DGKB: variants seen among roughly 807,000 people sequenced by gnomAD.
The protein encoded by DGKB is diacylglycerol kinase beta, also known as 90 kDa diacylglycerol kinase.
A neutral mutation model predicts 114.3 loss-of-function variants in DGKB; 67 were observed. The observed-to-expected ratio is 0.59, with a 90% CI of 0.48 to 0.72. The LOEUF is 0.72. Among genes scored for constraint, DGKB ranks in the 30% least tolerant of loss-of-function variants. DGKB has a pLI of 0.00. For synonymous variants in DGKB, 398 were observed against 323.1 expected, an observed-to-expected ratio of 1.23 and a Z score of -2.49; for missense variants, 907 against 975.2, an observed-to-expected ratio of 0.93 and a Z score of 0.93.
chr7:14,597,779 T>C (rs921236237), intron 17 of DGKB, among the ~76,000 whole-genome samples: 1 of 152,058 alleles, frequency 6.6e-6, no homozygotes, highest in African/African-American at 2.4e-5. Flanking sequence ...GTCCAGAAGG[T>C]TCCTGGGTGA....
intron 5 of DGKB, among the ~76,000 whole-genome samples, chr7:14,722,057 CA>C (rs1478846155): frequency 2.6e-5 from 4 of 152,326 alleles, no homozygotes; most frequent in Non-Finnish European, 4.4e-5. Flanking sequence ...CCACTACCAA[CA>C]TTCTCCACCA....
intron 16 of DGKB, among the ~76,000 whole-genome samples, chr7:14,611,697 C>CTATATA (rs74274170): frequency 5.4e-5 from 8 of 149,252 alleles, no homozygotes; most frequent in Admixed American, 1.3e-4. Context: ...TTTAGTGTAA[C>CTATATA]TATATATATA....
At chr7:14,343,570 A>G (rs1811980983) in intron 22 of DGKB, among the ~76,000 whole-genome samples, 1 of 151,706 alleles carries the variant, frequency 6.6e-6, no homozygotes, top group South Asian at 2.1e-4. Context: ...CTTATTTTAT[A>G]GATCAACAGC....
Position 14,736,109 on chromosome 7 carries a change from A to G in DGKB, c.254T>C (p.Met85Thr), listed in dbSNP as rs1337472711. 1 of 1,610,388 alleles carries G rather than the reference A, an allele frequency of 6.2e-7. No homozygotes were observed. The highest frequency in any genetic ancestry group is 8.5e-7 in the Non-Finnish European group (1 of 1,177,422). Residue 85 changes from methionine (M) to threonine (T), a missense_variant, in exon 5 of 26, where the codon ATG becomes ACG. By Grantham distance (81) the Met-to-Thr change is moderately conservative. Around this residue, in one of 3 missense-constraint regions of DGKB, gnomAD observed 814 missense variants for 856.6 expected, o/e 0.95. Transcript: ENST00000402815. ...ATGAGGAAACTTGTTGCTAAATGACATGAAAAGGTGTGCAGTGAAATCATC... is the reference window on the plus strand; with the variant it reads ...ATGAGGAAACTTGTTGCTAAATGACGTGAAAAGGTGTGCAGTGAAATCATC... Reference protein sequence around the residue: ...LPDDFTAHLFMSFSNKFPHSS... With the variant: ...LPDDFTAHLFTSFSNKFPHSS...
chr7:14,446,938 A>G (rs1830799230), intron 21 of DGKB, among the ~76,000 whole-genome samples: 1 of 152,164 alleles, frequency 6.6e-6, no homozygotes, highest in African/African-American at 2.4e-5. Context: ...AATGTGGTTA[A>G]GAACTTCCTC....
chr7:14,576,858 T>C (rs1373395434), intron 19 of DGKB, among the ~76,000 whole-genome samples: 1 of 152,184 alleles, frequency 6.6e-6, no homozygotes, highest in Non-Finnish European at 1.5e-5. Context: ...GGTTTAAATC[T>C]GTCTTCTAGC....
chr7:14,871,427 T>C (rs1587059357), intron 1 of DGKB, among the ~76,000 whole-genome samples: 3 of 152,144 alleles, frequency 2.0e-5, no homozygotes, highest in African/African-American at 7.2e-5. Flanking sequence ...AAAGAGTAAA[T>C]AGTCTAATCA....
intron 12 of DGKB, among the ~76,000 whole-genome samples, chr7:14,681,124 G>A: frequency 6.6e-6 from 1 of 151,344 alleles, no homozygotes; most frequent in African/African-American, 2.4e-5. Context: ...AAAAAAAACT[G>A]GTTTTTAAAA....
chr7:14,679,429 A>G (rs767881206), intron 12 of DGKB, among the ~76,000 whole-genome samples: 17 of 152,032 alleles, frequency 1.1e-4, no homozygotes, highest in Admixed American at 4.6e-4. Context: ...TGGCACAACT[A>G]GTAAGTGAGG....
chr7:14,197,199 G>A (rs376698431), intron 23 of DGKB, among the ~76,000 whole-genome samples: 1 of 152,110 alleles, frequency 6.6e-6, no homozygotes, highest in African/African-American at 2.4e-5. Context: ...CCTCTTAGAA[G>A]AGATATACCC....
At chr7:14,281,546 A>C (rs1291998788) in intron 23 of DGKB, among the ~76,000 whole-genome samples, 1 of 147,536 alleles carries the variant, frequency 6.8e-6, no homozygotes, top group Non-Finnish European at 1.5e-5. Flanking sequence ...ACCCCAAATC[A>C]ACAGAATATA....
At chr7:14,189,537 A>G (rs1051812796) in intron 23 of DGKB, among the ~76,000 whole-genome samples, 4 of 152,180 alleles carry the variant, frequency 2.6e-5, no homozygotes, top group African/African-American at 7.2e-5. Context: ...AATGAACAAA[A>G]TGGCAGAAGT....
At chr7:14,760,794 A>G (rs1007111232) in intron 2 of DGKB, among the ~76,000 whole-genome samples, 3 of 152,160 alleles carry the variant, frequency 2.0e-5, no homozygotes, top group Admixed American at 6.6e-5. Context: ...TCAGGTTTCT[A>G]TGAGAGTAAA....
intron 23 of DGKB, among the ~76,000 whole-genome samples, chr7:14,285,842 A>G (rs529477289): frequency 1.3e-5 from 2 of 152,092 alleles, no homozygotes; most frequent in Non-Finnish European, 2.9e-5. Flanking sequence ...AAAATCCCTA[A>G]TGGCAGTCAG....
intron 21 of DGKB, among the ~76,000 whole-genome samples, chr7:14,437,557 G>A (rs1297611668): frequency 6.6e-6 from 1 of 151,914 alleles, no homozygotes; most frequent in Non-Finnish European, 1.5e-5. Context: ...GATTGCACAT[G>A]TCGGCTTTAT....
At chr7:14,228,465 C>G (rs1791180422) in intron 23 of DGKB, among the ~76,000 whole-genome samples, 1 of 151,944 alleles carries the variant, frequency 6.6e-6, no homozygotes, top group South Asian at 2.1e-4. Flanking sequence ...AAGACTCTAA[C>G]TTGAAGAGAC....
intron 1 of DGKB, among the ~76,000 whole-genome samples, chr7:14,851,173 G>A (rs565869356): frequency 6.5e-4 from 99 of 152,248 alleles, no homozygotes; most frequent in African/African-American, 2.3e-3. Context: ...AGAGGAGTAT[G>A]TGGGTGGCTT....
chr7:14,188,892 G>GA (rs1305529129), intron 23 of DGKB, among the ~76,000 whole-genome samples: 1 of 151,670 alleles, frequency 6.6e-6, no homozygotes, highest in African/African-American at 2.4e-5. Context: ...TCAAAGTGCT[G>GA]AAAGAAAAAA....
rs533091176 is a variant in DGKB, at chr7:14,371,697, T to C, written c.1836-26306A>G. Among the ~76,000 whole-genome samples the C allele has an allele frequency of 1.1e-3, 175 of 152,290 alleles. 1 individual carries two copies. The highest frequency in any genetic ancestry group is 4.2e-3 in the African/African-American group (173 of 41,568). On this transcript the variant is annotated intron_variant, in intron 21 of 25. Coordinates refer to ENST00000402815, the MANE Select transcript of DGKB (RefSeq NM_001350709.2). ...AGTTTAATTAGGTCCCACTTGATAA[T>C]TTTTGCTTTTGTTGCCATCACCTTT...
Sources: gnomAD v4.1 joint callset for allele counts (sites outside exome capture counted in the v4.1 genomes callset) on GRCh38, gnomAD v4.1.1 for gene constraint, gnomAD v4.1.1 regional missense constraint, MANE v1.5 for transcripts, NCBI Gene and HGNC (gene_info 2026-07-23, HGNC 2026-07-21) for gene names.